The following EYS variants were observed in gnomAD, a reference collection of about 807,000 sequenced individuals.
The protein encoded by EYS is protein eyes shut homolog.
A neutral mutation model predicts 282.1 loss-of-function variants in EYS; 250 were observed. The ratio of observed to expected loss-of-function variants is 0.89; its 90% CI spans 0.80 to 0.98. The LOEUF is 0.98. Ranked by LOEUF, EYS falls within the 50% of genes least tolerant of loss-of-function variation. The pLI, the probability that EYS is intolerant of heterozygous loss-of-function variation, is 0.00. For synonymous variants in EYS, 1,355 were observed against 1,282.9 expected (o/e 1.06, Z -1.20); for missense variants, 4,016 against 3,709.0 (o/e 1.08, Z -2.15).
At chr6:64,292,111 C>G (rs554276969) in intron 30 of EYS, among the ~76,000 whole-genome samples, 1 of 152,204 alleles carries the variant, frequency 6.6e-6, no homozygotes, top group East Asian at 1.9e-4. Context: ...AACTTTGAAA[C>G]TTGGTGTGTC....
chr6:64,156,854 G>A (rs61032604), intron 31 of EYS, among the ~76,000 whole-genome samples: 1 of 151,654 alleles, frequency 6.6e-6, no homozygotes, highest in East Asian at 1.9e-4. Context: ...TGTTGTTAAA[G>A]GCATTCAGTT....
At chr6:65,289,954 A>G (rs1768477954) in intron 12 of EYS, among the ~76,000 whole-genome samples, 1 of 151,292 alleles carries the variant, frequency 6.6e-6, no homozygotes, top group Admixed American at 6.6e-5. Flanking sequence ...AGTAAAAAGT[A>G]TTGCCAAGTA....
chr6:64,489,324 G>T (rs1038126758), intron 26 of EYS, among the ~76,000 whole-genome samples: 4 of 150,638 alleles, frequency 2.7e-5, no homozygotes, highest in Non-Finnish European at 4.5e-5. Flanking sequence ...ATTCAAATTT[G>T]TAAAACACTA....
intron 30 of EYS, among the ~76,000 whole-genome samples, chr6:64,286,709 T>TAAAAGA (rs1490811010): frequency 2.6e-5 from 4 of 152,140 alleles, no homozygotes; most frequent in Non-Finnish European, 5.9e-5. Flanking sequence ...TATAAAAGTG[T>TAAAAGA]AAAAGAAAAA....
intron 35 of EYS, among the ~76,000 whole-genome samples, chr6:63,894,838 C>T (rs779472897): frequency 2.0e-5 from 3 of 152,072 alleles, no homozygotes; most frequent in Non-Finnish European, 2.9e-5. Context: ...CCGGCTGCCT[C>T]GGCCTCCCAA....
chr6:65,119,339 C>T (rs1259155095), intron 12 of EYS, among the ~76,000 whole-genome samples: 1 of 152,278 alleles, frequency 6.6e-6, no homozygotes, highest in African/African-American at 2.4e-5. Context: ...TAAAAGTCAT[C>T]ATCTTATACC....
chr6:64,252,759 C>T (rs1582488552), intron 30 of EYS, among the ~76,000 whole-genome samples: 1 of 152,170 alleles, frequency 6.6e-6, no homozygotes. Flanking sequence ...GCCTGACACT[C>T]CTCTAGTACA....
intron 5 of EYS, among the ~76,000 whole-genome samples, chr6:65,429,873 T>A (rs1269582292): frequency 6.6e-6 from 1 of 152,134 alleles, no homozygotes; most frequent in Admixed American, 6.6e-5. Context: ...ACAATAATAG[T>A]CAATGTTTTA....
chr6:65,206,400 A>T (rs114613122), intron 12 of EYS, among the ~76,000 whole-genome samples: 2 of 151,648 alleles, frequency 1.3e-5, no homozygotes, highest in East Asian at 3.9e-4. Context: ...ATTAAAAAAA[A>T]AATTATAAAA....
At chr6:65,679,023 G>A (rs1455964534) in intron 1 of EYS, among the ~76,000 whole-genome samples, 2 of 151,940 alleles carry the variant, frequency 1.3e-5, no homozygotes, top group African/African-American at 4.8e-5. Flanking sequence ...CAGAGAGGAT[G>A]TGAATACATT....
intron 18 of EYS, 147 bp from the exon 19 acceptor site, chr6:64,886,989 A>G (rs1029661756): frequency 3.2e-6 from 2 of 621,646 alleles, no homozygotes; most frequent in African/African-American, 3.9e-5. Flanking sequence ...TTGAAAAAAT[A>G]TAGCAATTCT....
At chr6:65,204,469 TA>T (rs936132307) in intron 12 of EYS, among the ~76,000 whole-genome samples, 1 of 142,516 alleles carries the variant, frequency 7.0e-6, no homozygotes, top group Non-Finnish European at 1.5e-5. Flanking sequence ...GAAGAAAAAA[TA>T]AAGTCTTTCC....
At chr6:64,391,222 C>A (rs1412984158) in intron 28 of EYS, among the ~76,000 whole-genome samples, 1 of 151,756 alleles carries the variant, frequency 6.6e-6, no homozygotes, top group Non-Finnish European at 1.5e-5. Flanking sequence ...TCCAGGAGAA[C>A]TTCCCCAATC....
chr6:64,857,445 A>G (rs965387521), intron 19 of EYS, among the ~76,000 whole-genome samples: 4 of 152,180 alleles, frequency 2.6e-5, no homozygotes, highest in Non-Finnish European at 5.9e-5. Context: ...TTTTAAAAAA[A>G]GGTTGAATAG....
At chr6:64,732,600 C>T (rs1772011857) in intron 22 of EYS, among the ~76,000 whole-genome samples, 1 of 151,808 alleles carries the variant, frequency 6.6e-6, no homozygotes, top group African/African-American at 2.4e-5. Flanking sequence ...TTACTGTATA[C>T]CTAGTGGCGT....
intron 1 of EYS, among the ~76,000 whole-genome samples, chr6:65,688,875 C>T (rs2149843079): frequency 6.6e-6 from 1 of 151,856 alleles, no homozygotes; most frequent in African/African-American, 2.4e-5. Context: ...CAGGAAACAA[C>T]AGGTGCTGGA....
At position 65,415,648 on chromosome 6, in the gene EYS, G is replaced by A. The variant is rs967991270; in HGVS notation, c.863-10281C>T. ...CAGGAGAAAAGACAAAAATAGATGG[G>A]CAAAGAATCAAGTTAACTGGTGGCA... On this transcript the variant is annotated intron_variant, in intron 5 of 42. Coordinates refer to ENST00000503581, the MANE Select transcript of EYS (RefSeq NM_001142800.2). Among the ~76,000 whole-genome samples the A allele has an allele frequency of 2.0e-5, 3 of 152,042 alleles. No individual in the cohort carries two copies. In the East Asian group the frequency reaches 5.8e-4, roughly 29 times the overall value.
intron 2 of EYS, among the ~76,000 whole-genome samples, chr6:65,542,019 C>T (rs1467283721): frequency 6.6e-6 from 1 of 152,068 alleles, no homozygotes; most frequent in Admixed American, 6.5e-5. Flanking sequence ...AGAGCTTACA[C>T]AAATCAAATT....
At chr6:65,518,909 C>T (rs1767240784) in intron 2 of EYS, among the ~76,000 whole-genome samples, 1 of 152,080 alleles carries the variant, frequency 6.6e-6, no homozygotes, top group African/African-American at 2.4e-5. Context: ...CAATTACCTC[C>T]CACCAGGTCT....
Sources: gnomAD v4.1 joint callset for allele counts (sites outside exome capture counted in the v4.1 genomes callset) on GRCh38, gnomAD v4.1.1 for gene constraint, MANE v1.5 for transcripts, NCBI Gene and HGNC (gene_info 2026-07-23, HGNC 2026-07-21) for gene names.